LIMCH1: variants seen among roughly 807,000 people sequenced by gnomAD.
LIMCH1 encodes LIM and calponin homology domains 1, also known as LIM and calponin homology domains-containing protein 1.
Under a neutral mutation model 176.5 loss-of-function variants are expected in LIMCH1, and 113 were observed. The observed-to-expected ratio is 0.64, with a 90% CI of 0.55 to 0.75. LIMCH1 has a LOEUF of 0.75. Among genes scored for constraint, LIMCH1 ranks in the 30% least tolerant of loss-of-function variants. The pLI is 0.00. For missense variants in LIMCH1, 1,674 were observed against 1,814.9 expected (o/e 0.92, Z 1.41); for synonymous variants, 619 against 645.9 (o/e 0.96, Z 0.63).
rs2092479071 is a variant in LIMCH1 at position 41,620,449 on chromosome 4, G to A, written c.484G>A (p.Gly162Arg). 1 of 1,535,992 alleles carries A rather than the reference G, an allele frequency of 6.5e-7. No individual in the cohort carries two copies. Among genetic ancestry groups the A allele is most frequent in the African/African-American group, 1.4e-5 (1 of 73,034 alleles). ...CTTTCCTGAAACGATAGAGGAAGAGGGGAGTGAAGTGGGGTCTGCTGGTGA... is the reference window on the plus strand; with the variant it reads ...CTTTCCTGAAACGATAGAGGAAGAGAGGAGTGAAGTGGGGTCTGCTGGTGA... Reference protein sequence around the residue: ...FSFPETIEEEGSEVGSAGEDN... With the variant: ...FSFPETIEEERSEVGSAGEDN... Residue 162 changes from glycine (G) to arginine (R), a missense_variant, in exon 7 of 32, where the codon GGG becomes AGG. Transcript: ENST00000503057.
chr4:41,377,483 C>T (rs1328352211), intron 1 of LIMCH1, among the ~76,000 whole-genome samples: 1 of 152,160 alleles, frequency 6.6e-6, no homozygotes, highest in Non-Finnish European at 1.5e-5. Context: ...TCCAGTAATA[C>T]TCTCATCTAC....
intron 1 of LIMCH1, among the ~76,000 whole-genome samples, chr4:41,567,662 G>A (rs750595758): frequency 7.9e-5 from 12 of 152,298 alleles, no homozygotes; most frequent in African/African-American, 1.2e-4. Flanking sequence ...GGCTTAGACA[G>A]ATTATGTAGT....
At chr4:41,663,218 A>G (rs1225247992) in intron 20 of LIMCH1, among the ~76,000 whole-genome samples, 2 of 148,250 alleles carry the variant, frequency 1.3e-5, no homozygotes, top group Admixed American at 6.8e-5. Flanking sequence ...CAGCGGTGTG[A>G]TCTCTGCTCA....
chr4:41,697,865 A>G lies in LIMCH1; in HGVS notation c.*680A>G, dbSNP rs1731618149. The G allele has an allele frequency of 6.6e-6, 1 of 152,234 alleles. No homozygotes were observed. The highest frequency in any genetic ancestry group is 2.4e-5 in the African/African-American group (1 of 41,454). 9.4% of individuals were successfully genotyped at this position (152,234 alleles called of 1,614,324 possible). A position where few individuals can be genotyped will look rare whatever the true frequency, so the allele number is the denominator to read the frequency against. On this transcript the variant is annotated 3_prime_UTR_variant, in exon 32 of 32. Coordinates refer to ENST00000503057, the MANE Select transcript of LIMCH1 (RefSeq NM_001330672.2). ...TCATTAATATAGGCTGGTTCATCAA[A>G]TAAAGCAAAACCTTGCAATATCAGC...
chr4:41,543,872 T>C (rs1422668826), intron 1 of LIMCH1, among the ~76,000 whole-genome samples: 1 of 152,202 alleles, frequency 6.6e-6, no homozygotes, highest in Non-Finnish European at 1.5e-5. Context: ...TTCACCCTGT[T>C]GCTCCACAGA....
chr4:41,671,711 C>T lies in LIMCH1; in HGVS notation c.3438+117C>T, dbSNP rs977858861. 1.2e-5 allele frequency: 9 copies of T among 749,826 alleles called. No homozygotes were observed. In the African/African-American group the frequency reaches 1.4e-4, roughly 12 times the overall value. 46.4% of individuals were successfully genotyped at this position (749,826 alleles called of 1,614,324 possible). A position where few individuals can be genotyped will look rare whatever the true frequency, so the allele number is the denominator to read the frequency against. On this transcript the variant is annotated intron_variant, in intron 22 of 31. Transcript: ENST00000503057. The stretch of plus-strand genomic sequence containing the variant: ...CAGGCGGTGGCTCACGCCTGTAATC[C>T]CAACACTTTGGGAGGGTGAGGCGGG...
chr4:41,507,160 C>T (rs2074283312), intron 2 of LIMCH1, among the ~76,000 whole-genome samples: 1 of 152,194 alleles, frequency 6.6e-6, no homozygotes, highest in African/African-American at 2.4e-5. Flanking sequence ...AGGCGTGGGG[C>T]CAAGGGAATA....
chr4:41,521,347 C>T (rs1042799230), intron 2 of LIMCH1, among the ~76,000 whole-genome samples: 2 of 152,060 alleles, frequency 1.3e-5, no homozygotes, highest in African/African-American at 4.8e-5. Flanking sequence ...ACATACATGA[C>T]CTATCTCTAC....
At chr4:41,540,456 G>A (rs1055244577) in intron 1 of LIMCH1, among the ~76,000 whole-genome samples, 6 of 152,140 alleles carry the variant, frequency 3.9e-5, no homozygotes, top group African/African-American at 1.2e-4. Flanking sequence ...AGAATAAAAC[G>A]GGCCAGATGC....
chr4:41,371,609 T>C (rs1369217855), intron 1 of LIMCH1, among the ~76,000 whole-genome samples: 1 of 150,582 alleles, frequency 6.6e-6, no homozygotes, highest in Non-Finnish European at 1.5e-5. Flanking sequence ...TATGGTATTC[T>C]GTTTAGTCTT....
intron 1 of LIMCH1, among the ~76,000 whole-genome samples, chr4:41,550,273 A>G (rs2080206907): frequency 6.6e-6 from 1 of 151,464 alleles, no homozygotes; most frequent in Admixed American, 6.6e-5. Flanking sequence ...GATTCAGTCA[A>G]CAGGTATTAA....
In LIMCH1 at chr4:41,605,980, A is replaced by G; in HGVS notation, c.-16A>G. 2 of 1,613,552 alleles carry G rather than the reference A, an allele frequency of 1.2e-6. No homozygotes were observed. The highest frequency in any genetic ancestry group is 1.7e-6 in the Non-Finnish European group (2 of 1,179,560). On this transcript the variant is annotated 5_prime_UTR_variant, in exon 4 of 32. Coordinates refer to ENST00000503057, the MANE Select transcript of LIMCH1 (RefSeq NM_001330672.2). ...CGACACTAAACCTGAAGGAGTTTGAAGGATTGTTGGCTCAGATGCGAAAGG... is the reference window on the plus strand; with the variant it reads ...CGACACTAAACCTGAAGGAGTTTGAGGGATTGTTGGCTCAGATGCGAAAGG...
chr4:41,664,249 A>C (rs2094740983), intron 20 of LIMCH1, among the ~76,000 whole-genome samples: 1 of 152,122 alleles, frequency 6.6e-6, no homozygotes, highest in Non-Finnish European at 1.5e-5. Context: ...AAAGTGAAAA[A>C]TCTGCCACTT....
intron 1 of LIMCH1, among the ~76,000 whole-genome samples, chr4:41,451,795 T>C (rs2063913682): frequency 6.6e-6 from 1 of 152,252 alleles, no homozygotes; most frequent in Admixed American, 6.5e-5. Context: ...TAGCACTGTA[T>C]GTTCAATTAT....
intron 15 of LIMCH1, among the ~76,000 whole-genome samples, chr4:41,645,895 T>C (rs183578001): frequency 6.6e-6 from 1 of 152,362 alleles, no homozygotes; most frequent in East Asian, 1.9e-4. Context: ...TTTAAATAAA[T>C]GTGCAGCCCT....
At chr4:41,447,574 C>A (rs1267247137) in intron 1 of LIMCH1, among the ~76,000 whole-genome samples, 1 of 152,160 alleles carries the variant, frequency 6.6e-6, no homozygotes, top group Non-Finnish European at 1.5e-5. Flanking sequence ...TTTCGTAATA[C>A]AGAACATATG....
chr4:41,575,608 G>C (rs1010636308), intron 1 of LIMCH1, among the ~76,000 whole-genome samples: 4 of 152,204 alleles, frequency 2.6e-5, no homozygotes, highest in African/African-American at 9.6e-5. Flanking sequence ...CTTGTGAGTA[G>C]TAGGAAGATG....
rs1720087469 is a variant in LIMCH1, at chr4:41,685,610, T to C, written c.3968-100T>C. ...GCCCATGACCTGCATGAAATCGCTA[T>C]AAAACCTCAACAGGCATTAGCACTT... On this transcript the variant is annotated intron_variant, in intron 27 of 31. Transcript: ENST00000503057. 4 of 1,424,928 alleles carry C rather than the reference T, an allele frequency of 2.8e-6. No homozygotes were observed. In the South Asian group the frequency reaches 4.9e-5, roughly 17 times the overall value. The allele number at this position is 1,424,928 out of a possible 1,614,324, so 88.3% of individuals were successfully genotyped here.
At chr4:41,557,144 A>C (rs1273077488) in intron 1 of LIMCH1, among the ~76,000 whole-genome samples, 1 of 152,118 alleles carries the variant, frequency 6.6e-6, no homozygotes, top group Non-Finnish European at 1.5e-5. Context: ...TTGTGTTCTA[A>C]TGTTGCAAAT....
Sources: gnomAD v4.1 joint callset for allele counts (sites outside exome capture counted in the v4.1 genomes callset) on GRCh38, gnomAD v4.1.1 for gene constraint, MANE v1.5 for transcripts, NCBI Gene and HGNC (gene_info 2026-07-23, HGNC 2026-07-21) for gene names.